CENPP: variants seen among roughly 807,000 people sequenced by gnomAD.
The protein encoded by CENPP is centromere protein P.
A neutral mutation model predicts 35.6 loss-of-function variants in CENPP; 24 were observed. That is an observed-to-expected ratio of 0.67 (90% CI 0.49 to 0.95). The LOEUF (loss-of-function observed/expected upper bound fraction) is 0.95, where lower values mean the gene tolerates loss of function less well. CENPP is among the 40% of genes least tolerant of loss of function. CENPP has a pLI of 0.00. For missense variants in CENPP, 332 were observed against 345.3 expected (o/e 0.96, Z 0.31); for synonymous variants, 120 against 125.5 (o/e 0.96, Z 0.29).
At chr9:92,579,891 G>C (rs1247996947) in intron 5 of CENPP, among the ~76,000 whole-genome samples, 1 of 148,550 alleles carries the variant, frequency 6.7e-6, no homozygotes, top group Non-Finnish European at 1.5e-5. Context: ...GTTTTCAAAG[G>C]GAGTGCTTCC....
Position 92,616,980 on chromosome 9 carries a change from C to T in CENPP, c.*3831C>T, listed in dbSNP as rs556264252. ...CGAGGAGAGGAAATACTGATCAGCA[C>T]GTCCCTGCTCTGACGCTGCTCACCA... On this transcript the variant is annotated 3_prime_UTR_variant, in exon 8 of 8. Coordinates refer to ENST00000375587, the MANE Select transcript of CENPP (RefSeq NM_001012267.3). 1.3e-5 allele frequency: 2 copies of T among 152,242 alleles called. No individual in the cohort carries two copies. The highest frequency in any genetic ancestry group is 6.5e-5 in the Admixed American group (1 of 15,282). The allele number at this position is 152,242 out of a possible 1,614,324, so 9.4% of individuals were successfully genotyped here. A position where few individuals can be genotyped will look rare whatever the true frequency, so the allele number is the denominator to read the frequency against.
intron 5 of CENPP, among the ~76,000 whole-genome samples, chr9:92,489,061 T>G (rs1426308369): frequency 6.6e-6 from 1 of 152,232 alleles, no homozygotes; most frequent in Non-Finnish European, 1.5e-5. Context: ...AAAGTTTACT[T>G]ACTGAGTTTA....
At chr9:92,506,756 G>T (rs916669476) in intron 5 of CENPP, among the ~76,000 whole-genome samples, 1 of 152,174 alleles carries the variant, frequency 6.6e-6, no homozygotes, top group Non-Finnish European at 1.5e-5. Context: ...CTTCCAAGCT[G>T]AAATAGCCAG....
At chr9:92,461,097 T>A (rs1845091710) in intron 5 of CENPP, among the ~76,000 whole-genome samples, 1 of 139,816 alleles carries the variant, frequency 7.2e-6, no homozygotes, top group South Asian at 2.2e-4. Context: ...TTTCCTATCT[T>A]GTTTTATCTA....
chr9:92,458,173 T>A (rs1048002146), intron 5 of CENPP, among the ~76,000 whole-genome samples: 1 of 152,228 alleles, frequency 6.6e-6, no homozygotes, highest in Non-Finnish European at 1.5e-5. Flanking sequence ...CTTTTTAAAT[T>A]AAATTCTTAC....
At chr9:92,344,855 G>A (rs978369792) in intron 3 of CENPP, among the ~76,000 whole-genome samples, 1 of 149,090 alleles carries the variant, frequency 6.7e-6, no homozygotes, top group African/African-American at 2.5e-5. Context: ...GCCAGTCTTT[G>A]CTCATCTTAT....
At chr9:92,566,964 T>C (rs1320746824) in intron 5 of CENPP, among the ~76,000 whole-genome samples, 5 of 152,152 alleles carry the variant, frequency 3.3e-5, no homozygotes, top group Non-Finnish European at 7.3e-5. Flanking sequence ...CACACATAAA[T>C]TTCTCAGAAA....
chr9:92,420,317 T>C (rs1410914900), intron 5 of CENPP, among the ~76,000 whole-genome samples: 1 of 152,230 alleles, frequency 6.6e-6, no homozygotes, highest in African/African-American at 2.4e-5. Flanking sequence ...CTTACCAACT[T>C]AGACCCCATA....
intron 7 of CENPP, 33 bp from the exon 8 acceptor site, chr9:92,612,986 A>G: frequency 6.2e-7 from 1 of 1,612,776 alleles, no homozygotes; most frequent in Non-Finnish European, 8.5e-7. Flanking sequence ...GCCACCTTGA[A>G]GTTTCTTACC....
rs562422373 is a variant in CENPP, at chr9:92,514,603, A to C, written c.565-96711A>C. 26 of 1,538,478 alleles carry C rather than the reference A, an allele frequency of 1.7e-5. 1 individual carries two copies. In the Admixed American group the frequency reaches 5.2e-4, roughly 31 times the overall value. ...AAGAGTCATTTACTTTTAAAGCACAAAATAAAGCAGAAGTCAACATCTCTT... is the reference window on the plus strand; with the variant it reads ...AAGAGTCATTTACTTTTAAAGCACACAATAAAGCAGAAGTCAACATCTCTT... On this transcript the variant is annotated intron_variant, in intron 5 of 7. Coordinates refer to ENST00000375587, the MANE Select transcript of CENPP (RefSeq NM_001012267.3).
At position 92,432,060 on chromosome 9, in the gene CENPP, C is replaced by T. The variant is rs191703843; in HGVS notation, c.564+52201C>T. Among the ~76,000 whole-genome samples the T allele has an allele frequency of 3.9e-5, 6 of 152,266 alleles. No homozygotes were observed. In the East Asian group the frequency reaches 1.2e-3, roughly 29 times the overall value. ...GTAATTTTGGCCGGGCTCAGTGGCTCACGCCTGTAATCCCAACACTTTGGG... is the reference window on the plus strand; with the variant it reads ...GTAATTTTGGCCGGGCTCAGTGGCTTACGCCTGTAATCCCAACACTTTGGG... On this transcript the variant is annotated intron_variant, in intron 5 of 7. Transcript: ENST00000375587.
At chr9:92,418,814 C>T (rs796667803) in intron 5 of CENPP, among the ~76,000 whole-genome samples, 1 of 152,238 alleles carries the variant, frequency 6.6e-6, no homozygotes, top group South Asian at 2.1e-4. Flanking sequence ...ATCAAATTTT[C>T]CTCATGAAAC....
At chr9:92,473,372 C>T (rs1431360635) in intron 5 of CENPP, among the ~76,000 whole-genome samples, 1 of 152,172 alleles carries the variant, frequency 6.6e-6, no homozygotes, top group African/African-American at 2.4e-5. Context: ...GGAGTCATAG[C>T]AGATACACAT....
chr9:92,440,552 A>G (rs1481391797), intron 5 of CENPP, among the ~76,000 whole-genome samples: 2 of 152,132 alleles, frequency 1.3e-5, no homozygotes, highest in Non-Finnish European at 2.9e-5. Flanking sequence ...TCTCAACTTA[A>G]TAAGGAAAGA....
intron 5 of CENPP, among the ~76,000 whole-genome samples, chr9:92,391,727 G>A (rs1217425853): frequency 1.3e-5 from 2 of 152,200 alleles, no homozygotes; most frequent in Admixed American, 6.5e-5. Flanking sequence ...ATGAGAACTG[G>A]AACCAGAAGA....
At chr9:92,372,164 A>T (rs1234680085) in intron 4 of CENPP, among the ~76,000 whole-genome samples, 4 of 89,162 alleles carry the variant, frequency 4.5e-5, no homozygotes, top group African/African-American at 1.3e-4. Context: ...ATTTTAGCTG[A>T]TATAAGTATA....
intron 5 of CENPP, among the ~76,000 whole-genome samples, chr9:92,534,703 A>G (rs1849058048): frequency 6.6e-6 from 1 of 152,238 alleles, no homozygotes; most frequent in Non-Finnish European, 1.5e-5. Context: ...TTGGAAGGGA[A>G]TAACAACAAC....
intron 5 of CENPP, among the ~76,000 whole-genome samples, chr9:92,445,060 T>C (rs1314355582): frequency 6.6e-6 from 1 of 152,156 alleles, no homozygotes; most frequent in African/African-American, 2.4e-5. Context: ...TCCCTGTTCA[T>C]GCTCCACTGC....
intron 5 of CENPP, among the ~76,000 whole-genome samples, chr9:92,518,423 A>G (rs553208526): frequency 1.3e-5 from 2 of 152,322 alleles, no homozygotes; most frequent in Admixed American, 6.5e-5. Flanking sequence ...TCATGTGACC[A>G]GAGAGCTGAG....
Sources: allele counts gnomAD v4.1 joint callset (sites outside exome capture counted in the v4.1 genomes callset), GRCh38; gene constraint gnomAD v4.1.1; transcripts MANE v1.5; gene names NCBI Gene and HGNC (gene_info 2026-07-23, HGNC 2026-07-21).